The following EVI5 variants were observed in gnomAD, a reference collection of about 807,000 sequenced individuals.
The protein encoded by EVI5 is ecotropic viral integration site 5 protein homolog.
Under a neutral mutation model 112.0 loss-of-function variants are expected in EVI5, and 73 were observed. The observed-to-expected ratio is 0.65, with a 90% CI of 0.54 to 0.79. The LOEUF is 0.79. Ranked by LOEUF, EVI5 falls within the 30% of genes least tolerant of loss-of-function variation. The pLI is 0.00. For missense variants in EVI5, 900 were observed against 968.8 expected (o/e 0.93, Z 0.94); for synonymous variants, 305 against 319.9 (o/e 0.95, Z 0.50).
At position 92,550,807 on chromosome 1, in the gene EVI5, TATATATAA is replaced by T. The variant is rs1205518108; in HGVS notation, c.2166+12827_2166+12834del. On this transcript the variant is annotated intron_variant, in intron 19 of 19. Coordinates refer to ENST00000684568, the MANE Select transcript of EVI5 (RefSeq NM_001350197.2). Reference sequence around the variant, plus strand: ...ATATATATATATATATATATATATATATATATAACAAAAAAAACAAAAGATATATTCAA... The same window carrying T: ...ATATATATATATATATATATATATATCAAAAAAAACAAAAGATATATTCAA... 5.8e-4 allele frequency among the ~76,000 whole-genome samples: 53 copies of T among 92,162 alleles called. 1 individual carries two copies. Among genetic ancestry groups the T allele is most frequent in the African/African-American group, 2.4e-3 (52 of 21,408 alleles). 60.5% of individuals were successfully genotyped at this position (92,162 alleles called of 152,430 possible).
In EVI5 at chr1:92,512,362, T is replaced by C. The variant is rs199580510; in HGVS notation, c.*1294A>G. 4.6e-5 allele frequency: 7 copies of C among 152,414 alleles called. No homozygotes were observed. The highest frequency in any genetic ancestry group is 8.8e-5 in the Non-Finnish European group (6 of 68,036). The allele number at this position is 152,414 out of a possible 1,614,324, so 9.4% of individuals were successfully genotyped here. A position where few individuals can be genotyped will look rare whatever the true frequency, so the allele number is the denominator to read the frequency against. ...CTATAACCTCTTCAGTCATGAAAAA[T>C]TTAGTAGTTACATACACATGAAATA... On this transcript the variant is annotated 3_prime_UTR_variant, in exon 20 of 20. Transcript: ENST00000684568.
chr1:92,682,817 C>G (rs1040695799), intron 9 of EVI5, among the ~76,000 whole-genome samples: 3 of 152,194 alleles, frequency 2.0e-5, no homozygotes, highest in African/African-American at 7.2e-5. Flanking sequence ...CTGAAATTTC[C>G]TCCTCTGCCA....
chr1:92,694,609 G>A (rs1470194999), intron 7 of EVI5, among the ~76,000 whole-genome samples: 1 of 152,096 alleles, frequency 6.6e-6, no homozygotes, highest in Non-Finnish European at 1.5e-5. Context: ...AGACATACAC[G>A]ACATATAAAT....
chr1:92,592,179 C>T (rs577333886), intron 18 of EVI5, among the ~76,000 whole-genome samples: 3 of 152,206 alleles, frequency 2.0e-5, no homozygotes, highest in South Asian at 2.1e-4. Context: ...GGAGGCAGAG[C>T]TTGCAGTGAG....
intron 19 of EVI5, among the ~76,000 whole-genome samples, chr1:92,560,528 T>A (rs1380675128): frequency 1.3e-5 from 2 of 152,178 alleles, no homozygotes; most frequent in Non-Finnish European, 2.9e-5. Context: ...CGTCTCTGTA[T>A]GCTATGCTGC....
intron 16 of EVI5, among the ~76,000 whole-genome samples, chr1:92,612,063 C>T (rs1651956309): frequency 6.6e-6 from 1 of 151,966 alleles, no homozygotes; most frequent in Non-Finnish European, 1.5e-5. Flanking sequence ...ACAATAATAA[C>T]TTGTAAGACA....
At chr1:92,765,462 G>T in intron 1 of EVI5, among the ~76,000 whole-genome samples, 1 of 149,174 alleles carries the variant, frequency 6.7e-6, no homozygotes, top group South Asian at 2.1e-4. Flanking sequence ...GGCACTACAT[G>T]CTATTATTTC....
Position 92,695,549 on chromosome 1 carries a change from T to G in EVI5, c.766-96A>C, listed in dbSNP as rs2102480756. 2 of 697,458 alleles carry G rather than the reference T, an allele frequency of 2.9e-6. 1 individual carries two copies. The highest frequency in any genetic ancestry group is 8.4e-4 in the Middle Eastern group (2 of 2,374). The allele number at this position is 697,458 out of a possible 1,614,324, so 43.2% of individuals were successfully genotyped here. ...AGATTAGCCTATACCAAACACAGATTAGATCAAGCATCATATGGAAAAGGT... is the reference window on the plus strand; with the variant it reads ...AGATTAGCCTATACCAAACACAGATGAGATCAAGCATCATATGGAAAAGGT... On this transcript the variant is annotated intron_variant, in intron 6 of 19. Coordinates refer to ENST00000684568, the MANE Select transcript of EVI5 (RefSeq NM_001350197.2).
At position 92,615,303 on chromosome 1, in the gene EVI5, G is replaced by A. The variant is rs539949290; in HGVS notation, c.1828-7576C>T. Among the ~76,000 whole-genome samples the A allele has an allele frequency of 5.7e-4, 87 of 152,196 alleles. 1 individual carries two copies. In the South Asian group the frequency reaches 0.017, roughly 30 times the overall value. On this transcript the variant is annotated intron_variant, in intron 16 of 19. Transcript: ENST00000684568. Reference sequence around the variant, plus strand: ...GATGAAAGAAAATGATGAATTCAGGGGATTCTGTCCCCCTGCTTCAGAAGC... The same window carrying A: ...GATGAAAGAAAATGATGAATTCAGGAGATTCTGTCCCCCTGCTTCAGAAGC...
At chr1:92,540,524 G>C (rs1323762293) in intron 19 of EVI5, among the ~76,000 whole-genome samples, 1 of 151,796 alleles carries the variant, frequency 6.6e-6, no homozygotes, top group Non-Finnish European at 1.5e-5. Context: ...TTTATAACTG[G>C]GTTATCTTTT....
At chr1:92,518,727 C>T (rs1660385334) in intron 19 of EVI5, among the ~76,000 whole-genome samples, 1 of 151,564 alleles carries the variant, frequency 6.6e-6, no homozygotes, top group African/African-American at 2.4e-5. Context: ...ACTGAAAAGG[C>T]CTAGCAAGTG....
chr1:92,745,227 A>T (rs1003419982), intron 1 of EVI5, among the ~76,000 whole-genome samples: 13 of 151,398 alleles, frequency 8.6e-5, no homozygotes, highest in African/African-American at 3.2e-4. Context: ...GGCGTGGACC[A>T]CCCACCCAGC....
Position 92,785,051 on chromosome 1 carries a change from C to G in EVI5, c.-297G>C, listed in dbSNP as rs1011898745. ...CCGCTGTCGGAACTGCAGCCAGCCC[C>G]TTGCCAGCTGGCCAGCTGGTTCCTC... On this transcript the variant is annotated 5_prime_UTR_variant, in exon 1 of 20. Transcript: ENST00000684568. 6.1e-6 allele frequency: 6 copies of G among 985,518 alleles called. No homozygotes were observed. Among genetic ancestry groups the G allele is most frequent in the Admixed American group, 6.1e-5 (1 of 16,274 alleles). 61.0% of individuals were successfully genotyped at this position (985,518 alleles called of 1,614,324 possible).
intron 1 of EVI5, among the ~76,000 whole-genome samples, chr1:92,749,601 T>A (rs886859927): frequency 6.6e-6 from 1 of 151,776 alleles, no homozygotes; most frequent in Non-Finnish European, 1.5e-5. Context: ...ATATATAGTA[T>A]CTATAAATAT....
intron 6 of EVI5, among the ~76,000 whole-genome samples, chr1:92,696,635 T>C (rs1395980365): frequency 2.0e-5 from 3 of 151,424 alleles, no homozygotes; most frequent in Non-Finnish European, 4.4e-5. Context: ...AGATAGACTC[T>C]GTCTCAGGAA....
intron 19 of EVI5, among the ~76,000 whole-genome samples, chr1:92,530,529 A>G (rs1662687870): frequency 6.6e-6 from 1 of 152,014 alleles, no homozygotes; most frequent in Non-Finnish European, 1.5e-5. Context: ...GACACCTCAT[A>G]CAAGAGAGCT....
chr1:92,632,906 T>A (rs1657527644), intron 14 of EVI5, among the ~76,000 whole-genome samples: 1 of 152,208 alleles, frequency 6.6e-6, no homozygotes, highest in Non-Finnish European at 1.5e-5. Flanking sequence ...AGGACATCTT[T>A]ATTTCTGCCT....
At chr1:92,589,421 A>T (rs1254933622) in intron 18 of EVI5, among the ~76,000 whole-genome samples, 1 of 152,120 alleles carries the variant, frequency 6.6e-6, no homozygotes, top group African/African-American at 2.4e-5. Flanking sequence ...CCACCCCAAT[A>T]CTGCACTTTT....
At chr1:92,539,034 T>C (rs1034445178) in intron 19 of EVI5, among the ~76,000 whole-genome samples, 1 of 152,214 alleles carries the variant, frequency 6.6e-6, no homozygotes, top group Non-Finnish European at 1.5e-5. Context: ...AGATTTTATC[T>C]AATCCTTTAT....
Sources: allele counts gnomAD v4.1 joint callset (sites outside exome capture counted in the v4.1 genomes callset), GRCh38; gene constraint gnomAD v4.1.1; transcripts MANE v1.5; gene names NCBI Gene and HGNC (gene_info 2026-07-23, HGNC 2026-07-21).